Variants in EPB41L4B observed in about 807,000 individuals in gnomAD.
EPB41L4B encodes band 4.1-like protein 4B.
A neutral mutation model predicts 112.5 loss-of-function variants in EPB41L4B; 30 were observed. That is an observed-to-expected ratio of 0.27 (90% confidence interval 0.20 to 0.36). The LOEUF is 0.36. Ranked by LOEUF, EPB41L4B falls within the 10% of genes least tolerant of loss-of-function variation. The pLI is 1.00. For synonymous variants in EPB41L4B, 408 were observed against 439.7 expected (o/e 0.93, Z 0.90); for missense variants, 1,024 against 1,133.3 (o/e 0.90, Z 1.38).
intron 2 of EPB41L4B, among the ~76,000 whole-genome samples, chr9:109,272,842 A>G (rs1835673808): frequency 1.3e-5 from 2 of 152,186 alleles, no homozygotes; most frequent in African/African-American, 4.8e-5. Flanking sequence ...AAAGAGAAGG[A>G]AGGGGATGAA....
Position 109,288,339 on chromosome 9 carries a change from T to G in EPB41L4B, c.307-8418A>C, listed in dbSNP as rs186191121. ...GGCTCACGTCTATAATCCCAATAGTTTGGGAGGCCAAGGCAGGAGGTTCGC... is the reference window on the plus strand; with the variant it reads ...GGCTCACGTCTATAATCCCAATAGTGTGGGAGGCCAAGGCAGGAGGTTCGC... On this transcript the variant is annotated intron_variant, in intron 1 of 25. Coordinates refer to ENST00000374566, the MANE Select transcript of EPB41L4B (RefSeq NM_019114.5). Among the ~76,000 whole-genome samples, 63 of 152,084 alleles carry G rather than the reference T, an allele frequency of 4.1e-4. No homozygotes were observed. The Middle Eastern group carries it at 0.01, about 25-fold the overall frequency.
chr9:109,184,883 AAT>A (rs1363746969), intron 23 of EPB41L4B, among the ~76,000 whole-genome samples: 2 of 152,266 alleles, frequency 1.3e-5, no homozygotes, highest in Non-Finnish European at 2.9e-5. Context: ...ATGAAATACA[AAT>A]AGTCATATAA....
chr9:109,310,417 T>C (rs1837375861), intron 1 of EPB41L4B, among the ~76,000 whole-genome samples: 2 of 152,172 alleles, frequency 1.3e-5, no homozygotes, highest in South Asian at 4.1e-4. Context: ...TGGTCTTTGT[T>C]CCTAAGCTCG....
At chr9:109,246,664 C>CAG (rs1184663002) in intron 14 of EPB41L4B, among the ~76,000 whole-genome samples, 1 of 152,126 alleles carries the variant, frequency 6.6e-6, no homozygotes, top group African/African-American at 2.4e-5. Flanking sequence ...TGTGAATGGC[C>CAG]AGAGAGAGAG....
chr9:109,211,340 ATCCCAGCC>A (rs1833158192), intron 17 of EPB41L4B, among the ~76,000 whole-genome samples: 2 of 152,156 alleles, frequency 1.3e-5, no homozygotes. Flanking sequence ...CATGCCTGTA[ATCCCAGCC>A]ATTTGGGAGG....
chr9:109,295,439 T>C (rs1037557223), intron 1 of EPB41L4B, among the ~76,000 whole-genome samples: 7 of 152,064 alleles, frequency 4.6e-5, no homozygotes, highest in African/African-American at 1.7e-4. Context: ...CAAGACAAGC[T>C]CCTCAGTGGA....
chr9:109,297,986 T>G (rs943166415), intron 1 of EPB41L4B, among the ~76,000 whole-genome samples: 2 of 152,130 alleles, frequency 1.3e-5, no homozygotes, highest in Non-Finnish European at 2.9e-5. Flanking sequence ...ATTCATCTGA[T>G]GGAGGAGTAT....
At chr9:109,177,241 T>C (rs1831875501) in intron 24 of EPB41L4B, among the ~76,000 whole-genome samples, 1 of 152,098 alleles carries the variant, frequency 6.6e-6, no homozygotes, top group South Asian at 2.1e-4. Flanking sequence ...TCCCAAAGTA[T>C]GGGCCCCAGA....
chr9:109,320,338 G>T lies in EPB41L4B; in HGVS notation c.109C>A (p.Pro37Thr). The change falls in exon 1 of 26, where the codon CCA becomes ACA. Residue 37 changes from proline to threonine, a missense_variant. By Grantham distance (38) the Pro-to-Thr change is conservative (BLOSUM62 -1). Coordinates refer to ENST00000374566, the MANE Select transcript of EPB41L4B (RefSeq NM_019114.5). The part of the protein sequence containing the change: ...AGLGDERDGG[P>T]RGGPAAAASS... ...GCGGCGGCGGCCGGGCCCCCCCGTG[G>T]CCCCCCATCGCGCTCGTCCCCCAGC... The T allele has an allele frequency of 1.0e-6, 1 of 987,218 alleles. No individual in the cohort carries two copies. The highest frequency in any genetic ancestry group is 1.2e-6 in the Non-Finnish European group (1 of 832,356). The allele number at this position is 987,218 out of a possible 1,614,324, so 61.2% of individuals were successfully genotyped here.
intron 15 of EPB41L4B, among the ~76,000 whole-genome samples, chr9:109,222,759 C>T (rs1427658526): frequency 6.6e-6 from 1 of 152,176 alleles, no homozygotes; most frequent in Non-Finnish European, 1.5e-5. Flanking sequence ...GAAGGGGCTG[C>T]TATGTGCCTA....
At chr9:109,260,614 T>C (rs1265753018) in intron 6 of EPB41L4B, among the ~76,000 whole-genome samples, 1 of 151,990 alleles carries the variant, frequency 6.6e-6, no homozygotes, top group Non-Finnish European at 1.5e-5. Flanking sequence ...GGAGTTTTAC[T>C]ATGTTGGCCA....
At chr9:109,304,474 C>T (rs988750801) in intron 1 of EPB41L4B, among the ~76,000 whole-genome samples, 2 of 152,168 alleles carry the variant, frequency 1.3e-5, no homozygotes, top group African/African-American at 4.8e-5. Flanking sequence ...CTCCTGGAGC[C>T]GTATCATATG....
At chr9:109,295,207 C>T (rs1588219424) in intron 1 of EPB41L4B, among the ~76,000 whole-genome samples, 1 of 149,894 alleles carries the variant, frequency 6.7e-6, no homozygotes, top group East Asian at 1.9e-4. Flanking sequence ...CCTAACTTCA[C>T]AGACACCACG....
At chr9:109,227,292 T>C (rs905102279) in intron 15 of EPB41L4B, among the ~76,000 whole-genome samples, 2 of 152,166 alleles carry the variant, frequency 1.3e-5, no homozygotes, top group Admixed American at 6.5e-5. Context: ...ATCATGTGCC[T>C]AGTCTTCTAG....
intron 1 of EPB41L4B, among the ~76,000 whole-genome samples, chr9:109,297,991 G>A (rs925842075): frequency 6.6e-6 from 1 of 152,150 alleles, no homozygotes; most frequent in Non-Finnish European, 1.5e-5. Flanking sequence ...TCTGATGGAG[G>A]AGTATACAAA....
chr9:109,282,402 G>A (rs936490188), intron 1 of EPB41L4B, among the ~76,000 whole-genome samples: 5 of 152,190 alleles, frequency 3.3e-5, no homozygotes, highest in African/African-American at 7.2e-5. Flanking sequence ...TATGACACGT[G>A]AATCTAAAGA....
intron 13 of EPB41L4B, among the ~76,000 whole-genome samples, chr9:109,248,037 G>A (rs1391547750): frequency 6.6e-6 from 1 of 152,164 alleles, no homozygotes; most frequent in Non-Finnish European, 1.5e-5. Flanking sequence ...AAATATTCCA[G>A]AATGCAGTCT....
chr9:109,253,996 T>C (rs1588174597), intron 11 of EPB41L4B, among the ~76,000 whole-genome samples: 1 of 152,262 alleles, frequency 6.6e-6, no homozygotes, highest in East Asian at 1.9e-4. Context: ...TAAGGCTTTT[T>C]GGGTTTCAAC....
chr9:109,178,992 G>GT (rs11377202), intron 24 of EPB41L4B, among the ~76,000 whole-genome samples: 52,894 of 150,198 alleles, frequency 0.35, 9,743 homozygotes, highest in Middle Eastern at 0.45. Flanking sequence ...CTAAGTATCT[G>GT]TTTTTTAATA....
Sources: gnomAD v4.1 joint callset for allele counts (sites outside exome capture counted in the v4.1 genomes callset) on GRCh38, gnomAD v4.1.1 for gene constraint, MANE v1.5 for transcripts, NCBI Gene and HGNC (gene_info 2026-07-23, HGNC 2026-07-21) for gene names.